Variants in GABRA5 observed in about 807,000 individuals in gnomAD.
GABRA5 encodes gamma-aminobutyric acid type A receptor subunit alpha5, also known as gamma-aminobutyric acid receptor subunit alpha-5.
A neutral mutation model predicts 47.3 loss-of-function variants in GABRA5; 18 were observed. The ratio of observed to expected loss-of-function variants is 0.38; its 90% CI spans 0.26 to 0.56. The LOEUF (loss-of-function observed/expected upper bound fraction) is 0.56, where lower values mean the gene tolerates loss of function less well. Ranked by LOEUF, GABRA5 falls within the 20% of genes least tolerant of loss-of-function variation. The pLI, the probability that GABRA5 is intolerant of heterozygous loss-of-function variation, is 0.71. For missense variants in GABRA5, 365 were observed against 599.3 expected (o/e 0.61, Z 4.08); for synonymous variants, 237 against 229.3 (o/e 1.03, Z -0.30).
At chr15:26,890,144 G>T (rs1156977631) in intron 6 of GABRA5, among the ~76,000 whole-genome samples, 1 of 151,888 alleles carries the variant, frequency 6.6e-6, no homozygotes. Flanking sequence ...ATAACATTCT[G>T]GTCCAAGCAC....
Position 26,912,124 on chromosome 15 carries a change from T to G in GABRA5, c.498-2679T>G, listed in dbSNP as rs139639194. Among the ~76,000 whole-genome samples, 2,824 of 152,274 alleles carry G rather than the reference T, an allele frequency of 0.019. 153 individuals carry two copies. In the East Asian group the frequency reaches 0.2, roughly 11 times the overall value. Reference sequence around the variant, plus strand: ...CTGTTACAGCCAAGGCCACAGGCGATCGCAAAGCATGCCTCTCCTGATCAG... The same window carrying G: ...CTGTTACAGCCAAGGCCACAGGCGAGCGCAAAGCATGCCTCTCCTGATCAG... On this transcript the variant is annotated intron_variant, in intron 6 of 10. Coordinates refer to ENST00000335625, the MANE Select transcript of GABRA5 (RefSeq NM_000810.4).
chr15:26,927,270 A>ATTT (rs11400477), intron 7 of GABRA5, among the ~76,000 whole-genome samples: 147 of 142,252 alleles, frequency 1.0e-3, no homozygotes, highest in Middle Eastern at 3.6e-3. Context: ...TGTCCAGCTA[A>ATTT]TTTTTTTTTT....
intron 7 of GABRA5, among the ~76,000 whole-genome samples, chr15:26,922,696 T>C (rs1893871383): frequency 6.6e-6 from 1 of 152,156 alleles, no homozygotes; most frequent in South Asian, 2.1e-4. Context: ...GATTTATTTA[T>C]AATGTTATCA....
intron 3 of GABRA5, among the ~76,000 whole-genome samples, chr15:26,876,399 G>T (rs1297088123): frequency 6.6e-6 from 1 of 152,194 alleles, no homozygotes; most frequent in Non-Finnish European, 1.5e-5. Flanking sequence ...GGGCATGCTT[G>T]TGTTCTGAGG....
At chr15:26,873,807 G>C (rs1447705396) in intron 3 of GABRA5, among the ~76,000 whole-genome samples, 1 of 152,220 alleles carries the variant, frequency 6.6e-6, no homozygotes, top group Non-Finnish European at 1.5e-5. Flanking sequence ...CTGAAGCAGG[G>C]AGCAGGAACA....
intron 6 of GABRA5, among the ~76,000 whole-genome samples, chr15:26,910,541 A>G (rs1872192749): frequency 6.6e-6 from 1 of 151,738 alleles, no homozygotes; most frequent in South Asian, 2.1e-4. Context: ...TGGAGGTTGC[A>G]GTGAGCCAAG....
chr15:26,922,072 G>A (rs929318191), intron 7 of GABRA5, among the ~76,000 whole-genome samples: 1 of 152,126 alleles, frequency 6.6e-6, no homozygotes, highest in African/African-American at 2.4e-5. Flanking sequence ...TGGTTGCTGG[G>A]TGGATTGTCT....
intron 7 of GABRA5, among the ~76,000 whole-genome samples, chr15:26,930,856 T>C (rs1894084805): frequency 6.6e-6 from 1 of 151,788 alleles, no homozygotes; most frequent in African/African-American, 2.4e-5. Context: ...TTCTTTTTTT[T>C]CTTTCTCTTC....
intron 3 of GABRA5, among the ~76,000 whole-genome samples, chr15:26,875,193 T>C (rs887194495): frequency 3.0e-4 from 45 of 152,194 alleles, no homozygotes; most frequent in African/African-American, 1.1e-3. Context: ...CTGGGTTCTG[T>C]GTCCAGGAGA....
At chr15:26,889,075 A>G (rs1892945041) in intron 6 of GABRA5, among the ~76,000 whole-genome samples, 1 of 152,256 alleles carries the variant, frequency 6.6e-6, no homozygotes, top group African/African-American at 2.4e-5. Context: ...CACCAAGTAA[A>G]ATACCACTAG....
chr15:26,929,611 G>A (rs1379670972), intron 7 of GABRA5, among the ~76,000 whole-genome samples: 7 of 152,220 alleles, frequency 4.6e-5, no homozygotes, highest in African/African-American at 1.7e-4. Context: ...TGAAATCTAG[G>A]TGGAGGCCAT....
At chr15:26,882,037 C>A (rs1892741898) in intron 4 of GABRA5, among the ~76,000 whole-genome samples, 1 of 152,206 alleles carries the variant, frequency 6.6e-6, no homozygotes, top group African/African-American at 2.4e-5. Flanking sequence ...CCACTTAAAG[C>A]ATGAGTTGCC....
intron 6 of GABRA5, among the ~76,000 whole-genome samples, chr15:26,905,169 G>A (rs937558247): frequency 2.6e-5 from 4 of 152,026 alleles, no homozygotes; most frequent in Admixed American, 1.3e-4. Context: ...AACATGAAGG[G>A]TACATTAATT....
chr15:26,868,587 G>C (rs1469452310), intron 1 of GABRA5, 142 bp from the exon 2 acceptor site: 1 of 152,458 alleles, frequency 6.6e-6, no homozygotes, highest in Admixed American at 6.5e-5. Flanking sequence ...CAGATGCAGT[G>C]CTTAAGTTAT....
intron 6 of GABRA5, among the ~76,000 whole-genome samples, chr15:26,895,615 A>G (rs1037493414): frequency 2.6e-5 from 4 of 152,006 alleles, no homozygotes; most frequent in African/African-American, 9.7e-5. Flanking sequence ...GATCGACACC[A>G]TCCTGGCTAA....
rs2140236750 is a variant in GABRA5 at position 26,867,153 on chromosome 15, T to G, written c.-140+42T>G. 6.7e-6 allele frequency: 1 copy of G among 149,376 alleles called. No homozygotes were observed. The highest frequency in any genetic ancestry group is 2.4e-5 in the African/African-American group (1 of 41,042). The allele number at this position is 149,376 out of a possible 1,614,324, so 9.3% of individuals were successfully genotyped here. A position where few individuals can be genotyped will look rare whatever the true frequency, so the allele number is the denominator to read the frequency against. ...GTGCGCCGGGGGCGCTGGGGGGCTCTGCGGCGGGCGGCGCGCGGCCCGGGG... is the reference window on the plus strand; with the variant it reads ...GTGCGCCGGGGGCGCTGGGGGGCTCGGCGGCGGGCGGCGCGCGGCCCGGGG... On this transcript the variant is annotated intron_variant, in intron 1 of 10. Transcript: ENST00000335625. The surrounding 1 kb of genome is among the most constrained non-coding windows in gnomAD (Gnocchi z 5.9).
At chr15:26,895,147 G>A (rs1419363447) in intron 6 of GABRA5, among the ~76,000 whole-genome samples, 1 of 152,030 alleles carries the variant, frequency 6.6e-6, no homozygotes, top group Non-Finnish European at 1.5e-5. Flanking sequence ...GGCTACTGCT[G>A]CAGGTCGCCC....
At chr15:26,930,003 C>CTTTTTTTTT (rs1203493810) in intron 7 of GABRA5, among the ~76,000 whole-genome samples, 5 of 114,956 alleles carry the variant, frequency 4.3e-5, no homozygotes, top group African/African-American at 1.4e-4. Flanking sequence ...TCTTCTTCTT[C>CTTTTTTTTT]TTCTTTTTTT....
chr15:26,940,918 G>A (rs544738715), intron 9 of GABRA5, among the ~76,000 whole-genome samples: 9 of 152,218 alleles, frequency 5.9e-5, no homozygotes, highest in South Asian at 4.1e-4. Context: ...CCAGTCAGTC[G>A]TGATCCTGGA....
Sources: allele counts gnomAD v4.1 joint callset (sites outside exome capture counted in the v4.1 genomes callset), GRCh38; gene constraint gnomAD v4.1.1; non-coding constraint Gnocchi (gnomAD v3.1); transcripts MANE v1.5; gene names NCBI Gene and HGNC (gene_info 2026-07-23, HGNC 2026-07-21).